MCTP1: variants seen among roughly 807,000 people sequenced by gnomAD.
MCTP1 encodes multiple C2 and transmembrane domain containing 1.
Under a neutral mutation model 120.6 loss-of-function variants are expected in MCTP1, and 69 were observed. The ratio of observed to expected loss-of-function variants is 0.57; its 90% CI spans 0.47 to 0.70. The LOEUF (loss-of-function observed/expected upper bound fraction) is 0.70. Ranked by LOEUF, MCTP1 falls within the 30% of genes least tolerant of loss-of-function variation. The probability of loss-of-function intolerance (pLI) is 0.00; values close to 1 mark genes in which losing one functional copy is unlikely to be tolerated. For synonymous variants in MCTP1, 529 were observed against 493.1 expected (o/e 1.07, Z -0.96); for missense variants, 1,203 against 1,248.8 (o/e 0.96, Z 0.55).
At chr5:94,940,551 C>A (rs1322166409) in intron 4 of MCTP1, among the ~76,000 whole-genome samples, 1 of 120,090 alleles carries the variant, frequency 8.3e-6, no homozygotes, top group Non-Finnish European at 1.7e-5. Flanking sequence ...TACACATACA[C>A]ACACACACGC....
chr5:95,247,029 T>C (rs1756871746), intron 1 of MCTP1, among the ~76,000 whole-genome samples: 1 of 152,212 alleles, frequency 6.6e-6, no homozygotes, highest in Non-Finnish European at 1.5e-5. Flanking sequence ...CCTAGACTTT[T>C]TTTGGTTGGT....
At chr5:95,170,463 C>T (rs954935043) in intron 1 of MCTP1, among the ~76,000 whole-genome samples, 5 of 152,114 alleles carry the variant, frequency 3.3e-5, no homozygotes, top group African/African-American at 1.2e-4. Flanking sequence ...TCCTGAATAT[C>T]CTTTTAACTT....
At chr5:94,813,312 C>T (rs12152974) in intron 17 of MCTP1, among the ~76,000 whole-genome samples, 15,813 of 152,126 alleles carry the variant, frequency 0.1, 982 homozygotes, top group East Asian at 0.26. Flanking sequence ...GGACAGAAAG[C>T]ACTAAATGTT....
rs532666782 is a variant in MCTP1, at chr5:95,199,280, T to C, written c.720+84576A>G. 7.9e-5 allele frequency among the ~76,000 whole-genome samples: 12 copies of C among 152,256 alleles called. No homozygotes were observed. In the East Asian group the frequency reaches 2.3e-3, roughly 29 times the overall value. On this transcript the variant is annotated intron_variant, in intron 1 of 22. Coordinates refer to ENST00000515393, the MANE Select transcript of MCTP1 (RefSeq NM_024717.7). ...AATGCAATCCAAAAACTCTACAACA[T>C]TTCTTAATAAAAGTTAATTAACAGG...
intron 22 of MCTP1, 72 bp from the exon 23 acceptor site, chr5:94,707,639 A>ATG (rs1755006945): frequency 8.8e-7 from 1 of 1,137,282 alleles, no homozygotes; most frequent in African/African-American, 1.5e-5. Context: ...CAGCAAAGGA[A>ATG]TGAGAGACGG....
At chr5:95,013,385 T>C (rs1334381435) in intron 2 of MCTP1, among the ~76,000 whole-genome samples, 1 of 152,166 alleles carries the variant, frequency 6.6e-6, no homozygotes, top group Non-Finnish European at 1.5e-5. Flanking sequence ...TGAAACAGCC[T>C]TCTATTGGAA....
At chr5:94,927,828 T>C (rs1326609443) in intron 6 of MCTP1, among the ~76,000 whole-genome samples, 1 of 152,164 alleles carries the variant, frequency 6.6e-6, no homozygotes, top group Non-Finnish European at 1.5e-5. Flanking sequence ...ATTAACAATC[T>C]CCTTGCCAAA....
At chr5:94,757,312 G>T (rs566176057) in intron 19 of MCTP1, among the ~76,000 whole-genome samples, 1 of 152,170 alleles carries the variant, frequency 6.6e-6, no homozygotes, top group Non-Finnish European at 1.5e-5. Context: ...TAAACGGAAA[G>T]AACATTTCAT....
chr5:95,182,280 C>G (rs1748684621), intron 1 of MCTP1, among the ~76,000 whole-genome samples: 1 of 152,028 alleles, frequency 6.6e-6, no homozygotes, highest in South Asian at 2.1e-4. Flanking sequence ...ATTGAAGGCA[C>G]AAAGGAGAAA....
chr5:95,022,829 A>G (rs951216762), intron 1 of MCTP1, among the ~76,000 whole-genome samples: 3 of 152,170 alleles, frequency 2.0e-5, no homozygotes, highest in Non-Finnish European at 4.4e-5. Context: ...TCCATTCAGG[A>G]GCTATAATAA....
intron 1 of MCTP1, among the ~76,000 whole-genome samples, chr5:95,100,436 G>C (rs956311830): frequency 1.3e-5 from 2 of 151,968 alleles, no homozygotes; most frequent in East Asian, 1.9e-4. Context: ...CTAGGGACTT[G>C]GTCCTCTTCT....
At chr5:95,045,594 G>C (rs1046774248) in intron 1 of MCTP1, among the ~76,000 whole-genome samples, 2 of 152,110 alleles carry the variant, frequency 1.3e-5, no homozygotes, top group African/African-American at 4.8e-5. Flanking sequence ...TCAGAATTTA[G>C]TGAACTTGAA....
chr5:95,117,390 C>CAAAG (rs1757900441), intron 1 of MCTP1, among the ~76,000 whole-genome samples: 1 of 66,106 alleles, frequency 1.5e-5, no homozygotes, highest in Admixed American at 2.2e-4. Context: ...GACTCCGTCT[C>CAAAG]AAAAAAAAAA....
intron 1 of MCTP1, among the ~76,000 whole-genome samples, chr5:95,078,030 C>CCA (rs57128550): frequency 0.85 from 118,823 of 139,214 alleles, 52,441 homozygotes; most frequent in Non-Finnish European, 0.98. Flanking sequence ...TATCATCCAT[C>CCA]TATCCATCCA....
intron 1 of MCTP1, among the ~76,000 whole-genome samples, chr5:95,138,823 C>T (rs1175745948): frequency 3.3e-5 from 5 of 152,288 alleles, no homozygotes; most frequent in African/African-American, 1.2e-4. Context: ...ACACCCTGCC[C>T]GTTAGCTGGA....
intron 1 of MCTP1, among the ~76,000 whole-genome samples, chr5:95,215,881 A>T (rs1236609044): frequency 6.6e-6 from 1 of 152,126 alleles, no homozygotes; most frequent in African/African-American, 2.4e-5. Context: ...ACTTTGACTA[A>T]CATTAGCCTC....
intron 17 of MCTP1, among the ~76,000 whole-genome samples, chr5:94,817,890 C>A (rs77220988): frequency 0.011 from 1,713 of 152,248 alleles, 43 homozygotes; most frequent in African/African-American, 0.039. Context: ...AACCCTCCCC[C>A]ACTTTTAGTT....
At chr5:94,939,303 T>G (rs1419737474) in intron 5 of MCTP1, among the ~76,000 whole-genome samples, 1 of 151,898 alleles carries the variant, frequency 6.6e-6, no homozygotes, top group Non-Finnish European at 1.5e-5. Flanking sequence ...TGAAATAGAG[T>G]ATTTGGACTT....
intron 12 of MCTP1, among the ~76,000 whole-genome samples, chr5:94,885,255 T>G (rs1360002717): frequency 1.4e-5 from 2 of 147,192 alleles, no homozygotes; most frequent in Admixed American, 1.4e-4. Context: ...TGAAACTGAG[T>G]GGCTGGTCTC....
Sources: gnomAD v4.1 joint callset for allele counts (sites outside exome capture counted in the v4.1 genomes callset) on GRCh38, gnomAD v4.1.1 for gene constraint, MANE v1.5 for transcripts, NCBI Gene and HGNC (gene_info 2026-07-23, HGNC 2026-07-21) for gene names.